Variants in ESR1 observed in about 807,000 individuals in gnomAD.
ESR1 encodes estrogen receptor.
In ESR1, 12 loss-of-function variants were observed where a neutral mutation model predicts 52.7. The ratio of observed to expected loss-of-function variants is 0.23; its 90% confidence interval spans 0.15 to 0.37. The LOEUF is 0.37. Ranked by LOEUF, ESR1 falls within the 10% of genes least tolerant of loss-of-function variation. The pLI is 1.00. For missense variants in ESR1, 584 were observed against 779.7 expected, an observed-to-expected ratio of 0.75 and a Z score of 2.99; for synonymous variants, 305 against 316.8, an observed-to-expected ratio of 0.96 and a Z score of 0.39.
chr6:151,995,313 C>T (rs1425873034), intron 4 of ESR1, among the ~76,000 whole-genome samples: 1 of 152,160 alleles, frequency 6.6e-6, no homozygotes, highest in African/African-American at 2.4e-5. Context: ...ATCTGTCCAT[C>T]AGTCTATCTG....
exon 7 of ESR1, chr6:152,129,381 A>G (rs2054678811): frequency 6.6e-6 from 1 of 152,264 alleles, no homozygotes; most frequent in Non-Finnish European, 1.5e-5. Context: ...TTCATGGTAC[A>G]TCAGCAATTT....
chr6:151,990,759 A>G (rs1353047858), intron 4 of ESR1, among the ~76,000 whole-genome samples: 2 of 152,212 alleles, frequency 1.3e-5, no homozygotes, highest in East Asian at 1.9e-4. Context: ...CGTCTTCTCA[A>G]CCTTGGCAAT....
intron 2 of ESR1, among the ~76,000 whole-genome samples, chr6:151,878,899 C>T (rs919738273): frequency 6.6e-6 from 1 of 152,092 alleles, no homozygotes; most frequent in Non-Finnish European, 1.5e-5. Flanking sequence ...ATGGAGGTGA[C>T]TTCTAAATCT....
At chr6:151,836,667 T>G (rs902927190) in intron 1 of ESR1, among the ~76,000 whole-genome samples, 3 of 152,200 alleles carry the variant, frequency 2.0e-5, no homozygotes, top group Non-Finnish European at 2.9e-5. Context: ...GAACATACAC[T>G]TGTCAATAAT....
intron 1 of ESR1, among the ~76,000 whole-genome samples, chr6:151,808,643 C>T (rs1236220280): frequency 6.6e-6 from 1 of 152,142 alleles, no homozygotes; most frequent in African/African-American, 2.4e-5. Flanking sequence ...CCCGGGCTTC[C>T]TAACAAAACA....
At chr6:151,979,421 T>A (rs2039777655) in intron 4 of ESR1, among the ~76,000 whole-genome samples, 1 of 152,192 alleles carries the variant, frequency 6.6e-6, no homozygotes, top group Non-Finnish European at 1.5e-5. Flanking sequence ...CAACATTTCC[T>A]CCTTTATTAT....
chr6:151,697,609 G>A (rs1779454497), intron 1 of ESR1, among the ~76,000 whole-genome samples: 1 of 152,188 alleles, frequency 6.6e-6, no homozygotes, highest in Non-Finnish European at 1.5e-5. Context: ...TGTGAGATTA[G>A]GATTCAGACC....
chr6:151,842,456 C>A, intron 1 of ESR1, 141 bp from the exon 2 acceptor site: 3 of 818,498 alleles, frequency 3.7e-6, no homozygotes, highest in South Asian at 1.5e-5. Context: ...CTGCAACAGA[C>A]GGCAAGAGGT....
intron 3 of ESR1, among the ~76,000 whole-genome samples, chr6:151,934,267 C>T (rs2034081929): frequency 1.3e-5 from 2 of 152,176 alleles, no homozygotes; most frequent in Admixed American, 6.5e-5. Context: ...TAAACACCCT[C>T]TCCACCTGCT....
At chr6:151,988,616 A>G (rs931836716) in intron 4 of ESR1, among the ~76,000 whole-genome samples, 1 of 152,016 alleles carries the variant, frequency 6.6e-6, no homozygotes, top group Non-Finnish European at 1.5e-5. Context: ...AAATATTAAT[A>G]ACTAATGTGT....
intron 4 of ESR1, among the ~76,000 whole-genome samples, chr6:151,978,561 A>T (rs1479317228): frequency 1.3e-5 from 2 of 152,122 alleles, no homozygotes; most frequent in African/African-American, 4.8e-5. Flanking sequence ...TCACACCAAG[A>T]TCCATCTTCA....
At chr6:151,927,464 G>A (rs552470653) in intron 3 of ESR1, among the ~76,000 whole-genome samples, 34 of 152,220 alleles carry the variant, frequency 2.2e-4, no homozygotes, top group Middle Eastern at 3.4e-3. Context: ...CACCACCTGA[G>A]CCAGATGATT....
chr6:151,910,224 A>G (rs894472757), intron 3 of ESR1, among the ~76,000 whole-genome samples: 1 of 151,906 alleles, frequency 6.6e-6, no homozygotes, highest in Non-Finnish European at 1.5e-5. Flanking sequence ...TGACTGAGGA[A>G]CTAAATTTTT....
intron 6 of ESR1, among the ~76,000 whole-genome samples, chr6:152,063,939 G>A (rs567279948): frequency 6.6e-6 from 1 of 152,334 alleles, no homozygotes; most frequent in Admixed American, 6.5e-5. Context: ...AGGTTGTTGT[G>A]AGGACCTGCT....
chr6:152,001,263 A>G (rs1310017658), intron 4 of ESR1, among the ~76,000 whole-genome samples: 1 of 152,006 alleles, frequency 6.6e-6, no homozygotes, highest in African/African-American at 2.4e-5. Flanking sequence ...AAGATCAGAC[A>G]GCCACATCTG....
chr6:152,007,481 T>C (rs1569788), intron 4 of ESR1, among the ~76,000 whole-genome samples: 58,357 of 151,796 alleles, frequency 0.38, 13,048 homozygotes, highest in African/African-American at 0.61. Context: ...ACTGCCCATA[T>C]GCGGGGTGAG....
chr6:151,680,196 T>C (rs916878780), intron 1 of ESR1, among the ~76,000 whole-genome samples: 1 of 140,636 alleles, frequency 7.1e-6, no homozygotes, highest in Admixed American at 7.8e-5. Context: ...TTGCTTTTTT[T>C]CTTTTCTCTT....
intron 2 of ESR1, among the ~76,000 whole-genome samples, chr6:151,845,997 T>C (rs556650042): frequency 7.2e-5 from 11 of 152,184 alleles, no homozygotes; most frequent in Admixed American, 5.9e-4. Context: ...TAGATGATGG[T>C]GTCAAGATAG....
chr6:151,698,687 G>A (rs556114279), intron 1 of ESR1, among the ~76,000 whole-genome samples: 1 of 152,296 alleles, frequency 6.6e-6, no homozygotes, highest in African/African-American at 2.4e-5. Context: ...AGGAGCTACT[G>A]GGGGTAGAGT....
Sources: gnomAD v4.1 joint callset for allele counts (sites outside exome capture counted in the v4.1 genomes callset) on GRCh38, gnomAD v4.1.1 for gene constraint, MANE v1.5 for transcripts, NCBI Gene and HGNC (gene_info 2026-07-23, HGNC 2026-07-21) for gene names.